Variants in RNLS observed in about 807,000 individuals in gnomAD.
RNLS encodes the protein renalase.
RNLS carries 39 observed loss-of-function variants against 39.8 expected under a neutral mutation model. The ratio of observed to expected loss-of-function variants is 0.98; its 90% CI spans 0.76 to 1.28. The LOEUF is 1.28. Ranked by LOEUF, RNLS falls within the 50% of genes most tolerant of loss-of-function variation. The probability of loss-of-function intolerance (pLI) is 0.00; values close to 1 mark genes in which losing one functional copy is unlikely to be tolerated. For missense variants in RNLS, 410 were observed against 413.3 expected, an observed-to-expected ratio of 0.99 and a Z score of 0.07; for synonymous variants, 147 against 150.7, an observed-to-expected ratio of 0.98 and a Z score of 0.18.
intron 5 of RNLS, chr10:88,343,614 C>T (rs1661018937): frequency 2.5e-5 from 25 of 985,162 alleles, no homozygotes; most frequent in Non-Finnish European, 2.9e-5. Flanking sequence ...CCTCTATTTT[C>T]CTTGTATTCG....
intron 4 of RNLS, among the ~76,000 whole-genome samples, chr10:88,458,236 T>C (rs1030266765): frequency 1.2e-4 from 18 of 152,316 alleles, no homozygotes; most frequent in African/African-American, 3.6e-4. Context: ...AACTAGGTAG[T>C]GCCACATCCA....
chr10:88,405,628 G>A (rs1014542268), intron 4 of RNLS, among the ~76,000 whole-genome samples: 2 of 151,994 alleles, frequency 1.3e-5, no homozygotes, highest in African/African-American at 4.8e-5. Context: ...GCAGATGGTT[G>A]TTTGGTGAGT....
intron 4 of RNLS, among the ~76,000 whole-genome samples, chr10:88,446,122 C>T (rs1433914065): frequency 6.6e-6 from 1 of 152,140 alleles, no homozygotes; most frequent in Non-Finnish European, 1.5e-5. Flanking sequence ...GTCTCTCAGA[C>T]CACAGTGCAA....
At chr10:88,234,340 C>T in the RNLS span, among the ~76,000 whole-genome samples, 1 of 152,026 alleles carries the variant, frequency 6.6e-6, no homozygotes, top group African/African-American at 2.4e-5. Context: ...TGGTTCCTGG[C>T]ACGGTGAATT....
downstream of RNLS, among the ~76,000 whole-genome samples, chr10:88,283,562 G>C (rs891148053): frequency 1.3e-5 from 2 of 152,070 alleles, no homozygotes; most frequent in African/African-American, 4.8e-5. Context: ...CATATTTTAA[G>C]GGTAAATATG....
At chr10:88,205,691 T>C in the RNLS span, among the ~76,000 whole-genome samples, 1 of 152,148 alleles carries the variant, frequency 6.6e-6, no homozygotes, top group Non-Finnish European at 1.5e-5. Context: ...CTGGAAGTTT[T>C]GGAGGCATTT....
intron 4 of RNLS, among the ~76,000 whole-genome samples, chr10:88,404,257 C>T (rs1186153402): frequency 6.6e-6 from 1 of 152,060 alleles, no homozygotes; most frequent in Non-Finnish European, 1.5e-5. Flanking sequence ...GTAGAAAGTG[C>T]ATGCAACTGA....
intron 4 of RNLS, among the ~76,000 whole-genome samples, chr10:88,484,679 A>T (rs558162785): frequency 6.6e-6 from 1 of 152,100 alleles, no homozygotes; most frequent in African/African-American, 2.4e-5. Flanking sequence ...GCAGTTAATG[A>T]TTTCATGAAT....
chr10:88,237,876 G>A, the RNLS span, among the ~76,000 whole-genome samples: 1 of 152,208 alleles, frequency 6.6e-6, no homozygotes, highest in African/African-American at 2.4e-5. Context: ...AGTTGAAGCG[G>A]TAACAAAAGG....
intron 4 of RNLS, among the ~76,000 whole-genome samples, chr10:88,555,492 T>C (rs1848817565): frequency 6.6e-6 from 1 of 152,018 alleles, no homozygotes; most frequent in Non-Finnish European, 1.5e-5. Context: ...ATCTCTCTCT[T>C]GTTCCCTCTC....
At chr10:88,562,177 G>T (rs1849231634) in intron 4 of RNLS, among the ~76,000 whole-genome samples, 1 of 152,002 alleles carries the variant, frequency 6.6e-6, no homozygotes, top group Non-Finnish European at 1.5e-5. Context: ...TCACTTTGGG[G>T]ATCTTATCAC....
the RNLS span, among the ~76,000 whole-genome samples, chr10:88,251,596 T>C: frequency 6.6e-6 from 1 of 152,184 alleles, no homozygotes; most frequent in East Asian, 1.9e-4. Flanking sequence ...TGGCATCTCT[T>C]CTCTTTAGTT....
chr10:88,563,306 TC>T (rs1849293516), intron 4 of RNLS, among the ~76,000 whole-genome samples: 1 of 152,178 alleles, frequency 6.6e-6, no homozygotes, highest in Non-Finnish European at 1.5e-5. Context: ...CATAACTGTT[TC>T]CATAGGAAAA....
At chr10:88,283,975 A>C, downstream of RNLS, 1 of 253,632 alleles carries the variant, frequency 3.9e-6, no homozygotes, top group Non-Finnish European at 6.2e-6. Context: ...AAAAATATAA[A>C]TAAAGACAAA....
the RNLS span, among the ~76,000 whole-genome samples, chr10:88,266,735 A>ACC: frequency 1.0e-3 from 142 of 137,348 alleles, no homozygotes; most frequent in African/African-American, 2.9e-3. Flanking sequence ...ACACACACAC[A>ACC]CCCCACACAC....
intron 4 of RNLS, among the ~76,000 whole-genome samples, chr10:88,436,735 T>C (rs1179589525): frequency 6.6e-6 from 1 of 152,060 alleles, no homozygotes; most frequent in African/African-American, 2.4e-5. Context: ...CATTTACCCC[T>C]ATAATTAGAT....
At position 88,496,190 on chromosome 10, in the gene RNLS, A is replaced by T. The variant is rs143032169; in HGVS notation, c.526+76713T>A. On this transcript the variant is annotated intron_variant, in intron 4 of 6. Transcript: ENST00000331772. The stretch of plus-strand genomic sequence containing the variant: ...TATGAAAGGTAGAGAGCAATTACCC[A>T]ACAGACAGAGTGGTTATAGACAAGA... 2.0e-5 allele frequency among the ~76,000 whole-genome samples: 3 copies of T among 152,286 alleles called. No homozygotes were observed. The East Asian group carries it at 5.8e-4, about 29-fold the overall frequency.
At chr10:88,532,741 C>G (rs1174086709) in intron 4 of RNLS, among the ~76,000 whole-genome samples, 3 of 151,866 alleles carry the variant, frequency 2.0e-5, no homozygotes, top group African/African-American at 7.2e-5. Context: ...AGTATCAATA[C>G]TAATCTTCTG....
intron 4 of RNLS, among the ~76,000 whole-genome samples, chr10:88,487,561 T>C (rs758224817): frequency 6.6e-6 from 1 of 152,142 alleles, no homozygotes; most frequent in Non-Finnish European, 1.5e-5. Flanking sequence ...ATGGCTAAAA[T>C]GCAAAAGACT....
Sources: gnomAD v4.1 joint callset for allele counts (sites outside exome capture counted in the v4.1 genomes callset) on GRCh38, gnomAD v4.1.1 for gene constraint, MANE v1.5 for transcripts, NCBI Gene and HGNC (gene_info 2026-07-23, HGNC 2026-07-21) for gene names.